The following TENM3 variants were observed in gnomAD, a reference collection of about 807,000 sequenced individuals.
TENM3 encodes the protein teneurin-3.
TENM3 carries 63 observed loss-of-function variants against 255.1 expected under a neutral mutation model. The observed-to-expected ratio is 0.25, with a 90% CI of 0.20 to 0.30. The LOEUF (loss-of-function observed/expected upper bound fraction) is 0.30. Among genes scored for constraint, TENM3 ranks in the 10% least tolerant of loss-of-function variants. TENM3 has a pLI of 1.00. For missense variants in TENM3, 2,929 were observed against 3,461.1 expected (o/e 0.85, Z 3.86); for synonymous variants, 1,306 against 1,322.3 (o/e 0.99, Z 0.27).
intron 3 of TENM3, among the ~76,000 whole-genome samples, chr4:182,478,578 A>G (rs1302602094): frequency 2.0e-5 from 3 of 151,920 alleles, no homozygotes; most frequent in Admixed American, 1.3e-4. Context: ...TTTCATCCTT[A>G]TACAGTGACT....
At chr4:181,843,524 GTTGT>G in the TENM3 span, among the ~76,000 whole-genome samples, 1 of 152,144 alleles carries the variant, frequency 6.6e-6, no homozygotes, top group Admixed American at 6.5e-5. Flanking sequence ...CACAGTAAGT[GTTGT>G]CTGCAGAATG....
At chr4:181,916,620 T>A in the TENM3 span, among the ~76,000 whole-genome samples, 3 of 152,132 alleles carry the variant, frequency 2.0e-5, no homozygotes, top group African/African-American at 7.2e-5. Context: ...GGCTCACACC[T>A]GTAATCTCAG....
At chr4:182,263,973 A>G (rs370249114) in intron 1 of TENM3, among the ~76,000 whole-genome samples, 28 of 151,910 alleles carry the variant, frequency 1.8e-4, no homozygotes, top group African/African-American at 6.0e-4. Flanking sequence ...CTTGGCCCCC[A>G]GGGCGATGGT....
chr4:182,060,387 A>T, the TENM3 span, among the ~76,000 whole-genome samples: 155 of 152,256 alleles, frequency 1.0e-3, no homozygotes, highest in African/African-American at 3.4e-3. Context: ...TCTATCTCAG[A>T]TCATCAGGCA....
chr4:182,126,741 T>G, the TENM3 span, among the ~76,000 whole-genome samples: 1 of 151,828 alleles, frequency 6.6e-6, no homozygotes, highest in African/African-American at 2.4e-5. Context: ...ACGAAAAGAG[T>G]TGAAGTGAAA....
chr4:182,334,173 A>T (rs772724261), intron 2 of TENM3, among the ~76,000 whole-genome samples: 167 of 152,312 alleles, frequency 1.1e-3, no homozygotes, highest in Non-Finnish European at 1.9e-3. Flanking sequence ...TCAGAAAAAA[A>T]AATCCTATCA....
At chr4:181,739,900 A>G in the TENM3 span, among the ~76,000 whole-genome samples, 1 of 152,350 alleles carries the variant, frequency 6.6e-6, no homozygotes, top group African/African-American at 2.4e-5. Context: ...CAATTACAGT[A>G]CGCAAAAATC....
Position 182,609,019 on chromosome 4 carries a change from C to T in TENM3, c.749+7858C>T, listed in dbSNP as rs1399273. ...GGCTGGAGGGACTGGAGGGTATGGC[C>T]CATGCTCTTGCTTGCAGGCTGGTGG... is the stretch of plus-strand genomic sequence containing the variant. On this transcript the variant is annotated intron_variant, in intron 4 of 27. Coordinates refer to ENST00000511685, the MANE Select transcript of TENM3 (RefSeq NM_001080477.4). 4.3e-3 allele frequency among the ~76,000 whole-genome samples: 660 copies of T among 152,250 alleles called. 2 individuals carry two copies. The highest frequency in any genetic ancestry group is 0.015 in the African/African-American group (637 of 41,542).
chr4:182,230,818 A>ATG lies in TENM3; in HGVS notation c.-76+86065_-76+86066insGT, dbSNP rs1220914123. ...TTAAATACAGTTTCTCAAACTATAT[A>ATG]TATATATATATATATATATATATAT... On this transcript the variant is annotated intron_variant, in intron 1 of 2. Coordinates refer to the TENM3 transcript ENST00000512480. Among the ~76,000 whole-genome samples the ATG allele has an allele frequency of 4.1e-3, 273 of 65,916 alleles. 1 individual carries two copies. The highest frequency in any genetic ancestry group is 7.8e-3 in the Non-Finnish European group (228 of 29,066). The allele number at this position is 65,916 out of a possible 152,430, so 43.2% of individuals were successfully genotyped here.
intron 2 of TENM3, among the ~76,000 whole-genome samples, chr4:182,343,821 C>T (rs904070798): frequency 6.6e-6 from 1 of 152,048 alleles, no homozygotes; most frequent in Non-Finnish European, 1.5e-5. Context: ...TTAGATCTTT[C>T]CAGGGGTGTT....
chr4:181,665,412 CA>C, the TENM3 span, among the ~76,000 whole-genome samples: 12 of 152,232 alleles, frequency 7.9e-5, no homozygotes, highest in African/African-American at 2.9e-4. Flanking sequence ...GCCATCCTTC[CA>C]AAATGCTCTA....
the TENM3 span, among the ~76,000 whole-genome samples, chr4:181,565,835 T>G: frequency 1.3e-5 from 2 of 152,156 alleles, no homozygotes; most frequent in Non-Finnish European, 2.9e-5. Flanking sequence ...CAAGGGAAAA[T>G]CCTATGATTT....
chr4:181,522,811 A>T, the TENM3 span: 1 of 873,602 alleles, frequency 1.1e-6, no homozygotes, highest in African/African-American at 1.7e-5. Context: ...TTAATTTATT[A>T]TGTTGATAGA....
the TENM3 span, among the ~76,000 whole-genome samples, chr4:182,128,370 G>T: frequency 6.6e-6 from 1 of 151,792 alleles, no homozygotes; most frequent in Non-Finnish European, 1.5e-5. Context: ...TAAGAGACGG[G>T]TCTTGCTATG....
At chr4:181,849,930 TTCTC>T in the TENM3 span, among the ~76,000 whole-genome samples, 9 of 84,102 alleles carry the variant, frequency 1.1e-4, no homozygotes, top group African/African-American at 3.2e-4. Flanking sequence ...CTCTCTCTCT[TTCTC>T]TCTCTCTCTC....
At chr4:182,422,677 A>T (rs1431214970) in intron 3 of TENM3, among the ~76,000 whole-genome samples, 2 of 152,228 alleles carry the variant, frequency 1.3e-5, no homozygotes, top group African/African-American at 4.8e-5. Flanking sequence ...GCATATTGGG[A>T]TCAACCTTTG....
chr4:182,036,686 G>A, the TENM3 span, among the ~76,000 whole-genome samples: 166 of 152,208 alleles, frequency 1.1e-3, no homozygotes, highest in African/African-American at 3.8e-3. Context: ...AAGACCACTC[G>A]CACACATTTT....
chr4:181,697,496 C>G, the TENM3 span, among the ~76,000 whole-genome samples: 1 of 152,128 alleles, frequency 6.6e-6, no homozygotes, highest in Admixed American at 6.5e-5. Flanking sequence ...CAGGTTCAAG[C>G]GATTCTTCTG....
chr4:182,790,766 G>C (rs1162890338), intron 25 of TENM3, among the ~76,000 whole-genome samples: 1 of 152,208 alleles, frequency 6.6e-6, no homozygotes, highest in Non-Finnish European at 1.5e-5. Context: ...GTGCATTACA[G>C]AGAAGAATAA....
Sources: allele counts gnomAD v4.1 joint callset (sites outside exome capture counted in the v4.1 genomes callset), GRCh38; gene constraint gnomAD v4.1.1; transcripts MANE v1.5; gene names NCBI Gene and HGNC (gene_info 2026-07-23, HGNC 2026-07-21).